The following UNC13C variants were observed in gnomAD, a reference collection of about 807,000 sequenced individuals.
UNC13C encodes the protein unc-13 homolog C, also known as protein unc-13 homolog C.
A neutral mutation model predicts 245.4 loss-of-function variants in UNC13C; 174 were observed. The observed-to-expected ratio is 0.71, with a 90% CI of 0.63 to 0.80. UNC13C has a LOEUF of 0.80. UNC13C is among the 30% of genes least tolerant of loss of function. The pLI is 0.00. For missense variants in UNC13C, 2,829 were observed against 2,602.9 expected (o/e 1.09, Z -1.89); for synonymous variants, 992 against 895.1 (o/e 1.11, Z -1.93).
At chr15:54,072,506 A>G (rs1898377064) in intron 2 of UNC13C, among the ~76,000 whole-genome samples, 1 of 152,170 alleles carries the variant, frequency 6.6e-6, no homozygotes, top group Non-Finnish European at 1.5e-5. Flanking sequence ...CATCACCCAA[A>G]GAGTTTGGAA....
At chr15:54,408,395 C>T (rs1416802029) in intron 18 of UNC13C, among the ~76,000 whole-genome samples, 4 of 151,490 alleles carry the variant, frequency 2.6e-5, no homozygotes, top group African/African-American at 9.7e-5. Context: ...ATTGTTTTTT[C>T]TTTATTGGAA....
chr15:54,234,240 G>GTATATA (rs71132791), intron 4 of UNC13C, among the ~76,000 whole-genome samples: 7 of 148,210 alleles, frequency 4.7e-5, no homozygotes, highest in Middle Eastern at 3.6e-3. Context: ...TCCCATGTCA[G>GTATATA]TATATATATA....
intron 4 of UNC13C, among the ~76,000 whole-genome samples, chr15:54,170,657 C>T (rs2033363662): frequency 6.6e-6 from 1 of 151,974 alleles, no homozygotes; most frequent in Non-Finnish European, 1.5e-5. Flanking sequence ...ACTATACATC[C>T]TGTACTTTAA....
chr15:54,002,213 G>A (rs888956580), intron 1 of UNC13C, among the ~76,000 whole-genome samples: 39 of 152,260 alleles, frequency 2.6e-4, no homozygotes, highest in African/African-American at 8.9e-4. Flanking sequence ...GTGAACCTGG[G>A]AGGCGGAGCT....
At chr15:54,058,973 G>C (rs1309914669) in intron 2 of UNC13C, among the ~76,000 whole-genome samples, 3 of 152,060 alleles carry the variant, frequency 2.0e-5, no homozygotes, top group Non-Finnish European at 2.9e-5. Context: ...AAAATAATAA[G>C]AGCTATCTAT....
chr15:54,018,839 G>A (rs1212997870), intron 2 of UNC13C, among the ~76,000 whole-genome samples: 16 of 151,566 alleles, frequency 1.1e-4, no homozygotes, highest in Admixed American at 1.1e-3. Context: ...AACTTGTACT[G>A]TGCCTAGACC....
At chr15:54,611,048 A>T (rs770562406) in intron 30 of UNC13C, among the ~76,000 whole-genome samples, 12 of 152,326 alleles carry the variant, frequency 7.9e-5, no homozygotes, top group Non-Finnish European at 1.6e-4. Flanking sequence ...GGGATACACG[A>T]TGAGGTGGCA....
chr15:54,475,281 TTTATTATTATTATTA>T (rs60034401), intron 19 of UNC13C, among the ~76,000 whole-genome samples: 432 of 105,018 alleles, frequency 4.1e-3, no homozygotes, highest in Non-Finnish European at 5.5e-3. Context: ...TGGTTTTTTG[TTTATTATTATTATTA>T]TTATTATTAT....
chr15:53,874,329 A>G, the UNC13C span, among the ~76,000 whole-genome samples: 8 of 152,214 alleles, frequency 5.3e-5, no homozygotes, highest in African/African-American at 1.7e-4. Flanking sequence ...AATTAGTATT[A>G]TTCTCATTTT....
Position 54,525,569 on chromosome 15 carries a change from T to C in UNC13C, c.5478T>C (p.Thr1826=). 1 of 1,612,840 alleles carries C rather than the reference T, an allele frequency of 6.2e-7. No homozygotes were observed. The highest frequency in any genetic ancestry group is 8.5e-7 in the Non-Finnish European group (1 of 1,179,428). Residue 1826 remains threonine (T), a synonymous_variant, in exon 25 of 33, where the codon ACT becomes ACC. Transcript: ENST00000260323. ...TGCAGCTAGATTCTGAAGCTAGTAC[T>C]ATTCTAAAAGAACTTCAGGTTAAGC... ...GGKELDSEAS[T]ILKELQVKLS... is the part of the protein sequence containing the mutation.
intron 4 of UNC13C, among the ~76,000 whole-genome samples, chr15:54,204,074 T>C (rs1473797374): frequency 6.6e-6 from 1 of 151,554 alleles, no homozygotes; most frequent in African/African-American, 2.4e-5. Flanking sequence ...ATGTTCTCAG[T>C]CATATGTGGG....
At chr15:53,923,933 G>C in the UNC13C span, among the ~76,000 whole-genome samples, 1 of 152,242 alleles carries the variant, frequency 6.6e-6, no homozygotes, top group African/African-American at 2.4e-5. Flanking sequence ...CGGGCTGGGC[G>C]CGGTGGCTCG....
intron 17 of UNC13C, among the ~76,000 whole-genome samples, chr15:54,379,420 T>C (rs1017105852): frequency 6.6e-6 from 1 of 152,114 alleles, no homozygotes; most frequent in East Asian, 1.9e-4. Context: ...CAAAAGTAAG[T>C]GTATTACTCT....
chr15:54,081,654 A>T (rs936842498), intron 2 of UNC13C, among the ~76,000 whole-genome samples: 2 of 151,254 alleles, frequency 1.3e-5, no homozygotes, highest in Non-Finnish European at 1.5e-5. Flanking sequence ...ATCTTTCTTC[A>T]TCTCTTTACT....
At chr15:54,490,378 G>A (rs1428894179) in intron 19 of UNC13C, among the ~76,000 whole-genome samples, 2 of 152,174 alleles carry the variant, frequency 1.3e-5, no homozygotes, top group Admixed American at 6.5e-5. Context: ...CAGTAAAGTA[G>A]ACAGAAGTGT....
chr15:54,549,217 G>C (rs1035067328), intron 27 of UNC13C, among the ~76,000 whole-genome samples: 1 of 152,090 alleles, frequency 6.6e-6, no homozygotes, highest in African/African-American at 2.4e-5. Context: ...TAATAGACTG[G>C]ACAGCATTTT....
intron 2 of UNC13C, among the ~76,000 whole-genome samples, chr15:54,115,108 T>C (rs879945354): frequency 7.9e-5 from 12 of 152,118 alleles, no homozygotes; most frequent in African/African-American, 1.2e-4. Context: ...AATTTTATGA[T>C]ATATTTTTAC....
At chr15:54,542,388 T>C (rs1278726604) in intron 26 of UNC13C, among the ~76,000 whole-genome samples, 1 of 152,128 alleles carries the variant, frequency 6.6e-6, no homozygotes, top group Non-Finnish European at 1.5e-5. Flanking sequence ...TTCTGTTCTT[T>C]TGCACTTGCT....
intron 1 of UNC13C, among the ~76,000 whole-genome samples, chr15:53,980,322 G>C (rs1238033831): frequency 6.6e-6 from 1 of 152,148 alleles, no homozygotes; most frequent in African/African-American, 2.4e-5. Flanking sequence ...GGCAATTCTT[G>C]ATACCAGAGG....
Sources: gnomAD v4.1 joint callset for allele counts (sites outside exome capture counted in the v4.1 genomes callset) on GRCh38, gnomAD v4.1.1 for gene constraint, MANE v1.5 for transcripts, NCBI Gene and HGNC (gene_info 2026-07-23, HGNC 2026-07-21) for gene names.